The following SATB1 variants were observed in gnomAD, a reference collection of about 807,000 sequenced individuals.
SATB1 encodes the protein SATB homeobox 1.
SATB1 carries 11 observed loss-of-function variants against 86.9 expected under a neutral mutation model. That is an observed-to-expected ratio of 0.13 (90% CI 0.08 to 0.21). The LOEUF (loss-of-function observed/expected upper bound fraction) is 0.21. Ranked by LOEUF, SATB1 falls within the 10% of genes least tolerant of loss-of-function variation. The pLI is 1.00. For missense variants in SATB1, 551 were observed against 937.6 expected (o/e 0.59, Z 5.39); for synonymous variants, 357 against 357.2 (o/e 1.00, Z 0.01).
chr3:18,403,505 A>G (rs184567927), intron 5 of SATB1, among the ~76,000 whole-genome samples: 1 of 152,272 alleles, frequency 6.6e-6, no homozygotes, highest in African/African-American at 2.4e-5. Flanking sequence ...TTATTCTATA[A>G]GGAAAATTTC....
At position 18,394,325 on chromosome 3, in the gene SATB1, G is replaced by A. The variant is rs908485994; in HGVS notation, c.1206+137C>T. ...GAGTGGTAAAATTGAGGCTCCACCA[G>A]GAATAGGTAATATGATCACATGAAG... is the stretch of plus-strand genomic sequence containing the variant. On this transcript the variant is annotated intron_variant, in intron 7 of 10. Transcript: ENST00000338745. The surrounding 1 kb of genome is among the most constrained non-coding windows in gnomAD (Gnocchi z 5.9). The A allele has an allele frequency of 2.7e-6, 2 of 742,190 alleles. No homozygotes were observed. The highest frequency in any genetic ancestry group is 5.3e-5 in the East Asian group (2 of 37,612). 46.0% of individuals were successfully genotyped at this position (742,190 alleles called of 1,614,324 possible).
At chr3:18,402,419 T>C in intron 5 of SATB1, among the ~76,000 whole-genome samples, 1 of 152,192 alleles carries the variant, frequency 6.6e-6, no homozygotes, top group African/African-American at 2.4e-5. Context: ...TTCTGCCAAA[T>C]CAACCAACCA....
intron 8 of SATB1, among the ~76,000 whole-genome samples, chr3:18,381,096 C>T (rs1045713689): frequency 1.3e-5 from 2 of 152,192 alleles, no homozygotes; most frequent in Non-Finnish European, 2.9e-5. Context: ...ATTGGAGCTT[C>T]TACTACTTAC....
intron 10 of SATB1, chr3:18,350,424 CA>C (rs1434143021): frequency 2.6e-5 from 4 of 152,198 alleles, no homozygotes; most frequent in Non-Finnish European, 4.4e-5. Flanking sequence ...GACACTTTTT[CA>C]TAATTAGTAT....
At position 18,416,956 on chromosome 3, in the gene SATB1, C is replaced by T. The variant is rs1698144592; in HGVS notation, c.334G>A (p.Glu112Lys). Residue 112 changes from glutamate to lysine, a missense_variant, in exon 3 of 11, where the codon GAA (glutamate) becomes AAA (lysine). Coordinates refer to ENST00000338745, the MANE Select transcript of SATB1 (RefSeq NM_002971.6). ...RKDMLFNQLIEMALLSLGYSH... is the reference protein window; with the variant it reads ...RKDMLFNQLIKMALLSLGYSH... ...TAACCTAGAGACAGCAATGCCATTT[C>T]GATCAGCTGGTTGAAAAGCATATCC... The T allele has an allele frequency of 1.2e-6, 2 of 1,613,472 alleles. No individual in the cohort carries two copies. The highest frequency in any genetic ancestry group is 8.5e-7 in the Non-Finnish European group (1 of 1,179,668).
At chr3:18,416,837 C>T (rs911395042) in intron 3 of SATB1, 65 bp downstream of exon 3, 1 of 1,413,202 alleles carries the variant, frequency 7.1e-7, no homozygotes, top group Non-Finnish European at 9.6e-7. Context: ...ATATTCAGTG[C>T]TTTCTCTGCA....
In SATB1 at chr3:18,386,330, T is replaced by C. The variant is rs376093487; in HGVS notation, c.1419+69A>G. The C allele has an allele frequency of 1.7e-4, 206 of 1,180,518 alleles. 1 individual carries two copies. The highest frequency in any genetic ancestry group is 2.4e-4 in the Non-Finnish European group (196 of 811,132). 73.1% of individuals were successfully genotyped at this position (1,180,518 alleles called of 1,614,324 possible). On this transcript the variant is annotated intron_variant, in intron 8 of 10. Transcript: ENST00000338745. The surrounding 1 kb of genome is among the most constrained non-coding windows in gnomAD (Gnocchi z 4.5). ...ATGTATCTATCTATCTAATTTCTTA[T>C]TGAGATTCTTCCTCAAGCATTAAAA...
upstream of SATB1, among the ~76,000 whole-genome samples, chr3:18,429,048 TAC>T (rs1698804477): frequency 6.6e-6 from 1 of 152,266 alleles, no homozygotes; most frequent in Non-Finnish European, 1.5e-5. The surrounding 1 kb of genome is among the most constrained non-coding windows in gnomAD (Gnocchi z 4.1). Flanking sequence ...TGGCTATCTC[TAC>T]ACTCTTAAAG....
At position 18,348,425 on chromosome 3, in the gene SATB1, C is replaced by T. The variant is rs993175695; in HGVS notation, c.*745G>A. The T allele has an allele frequency of 2.6e-5, 4 of 152,576 alleles. No individual in the cohort carries two copies. Among genetic ancestry groups the T allele is most frequent in the African/African-American group, 7.2e-5 (3 of 41,542 alleles). The allele number at this position is 152,576 out of a possible 1,614,324, so 9.5% of individuals were successfully genotyped here. On this transcript the variant is annotated 3_prime_UTR_variant, in exon 11 of 11. Coordinates refer to ENST00000338745, the MANE Select transcript of SATB1 (RefSeq NM_002971.6). ...AAATAGAAAAGAATCAGTATGGTAA[C>T]AAGAGAAGCAATATTACATTTAACG...
At chr3:18,354,465 T>C (rs1308950990) in intron 9 of SATB1, among the ~76,000 whole-genome samples, 2 of 152,174 alleles carry the variant, frequency 1.3e-5, no homozygotes, top group African/African-American at 4.8e-5. Context: ...TAGAGGTTCA[T>C]AAAGAACACA....
chr3:18,373,311 G>A (rs1267549564), intron 9 of SATB1, among the ~76,000 whole-genome samples: 3 of 152,156 alleles, frequency 2.0e-5, no homozygotes, highest in Non-Finnish European at 4.4e-5. Context: ...TAAATAGGAG[G>A]CTACACAGGT....
upstream of SATB1, among the ~76,000 whole-genome samples, chr3:18,443,216 C>A (rs1458036980): frequency 6.6e-6 from 1 of 152,158 alleles, no homozygotes; most frequent in African/African-American, 2.4e-5. This position sits in a 1 kb window ranked among gnomAD's most constrained non-coding sequence, Gnocchi z 4.4. Context: ...AACCTGACAC[C>A]GAGCGGTAAC....
At chr3:18,382,730 T>A (rs994759500) in intron 8 of SATB1, among the ~76,000 whole-genome samples, 3 of 152,232 alleles carry the variant, frequency 2.0e-5, no homozygotes, top group Admixed American at 2.0e-4. Flanking sequence ...ACAAGTTATT[T>A]CATTAGGACA....
chr3:18,427,973 C>T (rs1263260996), upstream of SATB1, among the ~76,000 whole-genome samples: 1 of 152,082 alleles, frequency 6.6e-6, no homozygotes, highest in Non-Finnish European at 1.5e-5. Flanking sequence ...ATTAACTACC[C>T]TTTAGAATAT....
intron 8 of SATB1, among the ~76,000 whole-genome samples, chr3:18,384,138 GAACA>G (rs1257183521): frequency 6.6e-6 from 1 of 152,066 alleles, no homozygotes; most frequent in Non-Finnish European, 1.5e-5. Flanking sequence ...CTCCTCTTCA[GAACA>G]AACAAATACA....
intron 9 of SATB1, among the ~76,000 whole-genome samples, chr3:18,362,175 A>G (rs1304623162): frequency 6.6e-6 from 1 of 152,102 alleles, no homozygotes; most frequent in Admixed American, 6.6e-5. Context: ...TCAGTCCCAC[A>G]GCATTTCTTC....
chr3:18,383,567 G>A (rs1392751913), intron 8 of SATB1, among the ~76,000 whole-genome samples: 1 of 152,140 alleles, frequency 6.6e-6, no homozygotes, highest in African/African-American at 2.4e-5. Flanking sequence ...CATTTTGGGG[G>A]AAATGAAATG....
chr3:18,422,307 T>G (rs1232003406), intron 1 of SATB1, among the ~76,000 whole-genome samples: 5 of 152,224 alleles, frequency 3.3e-5, no homozygotes, highest in Non-Finnish European at 5.9e-5. Context: ...GTAAATATTT[T>G]TTCTTCTGTT....
intron 9 of SATB1, among the ~76,000 whole-genome samples, chr3:18,358,109 TCCAAATGCTTAA>T (rs1250694345): frequency 1.3e-5 from 2 of 151,986 alleles, no homozygotes; most frequent in Non-Finnish European, 1.5e-5. Flanking sequence ...TATTGATCTT[TCCAAATGCTTAA>T]AATTAACTAT....
Sources: allele counts gnomAD v4.1 joint callset (sites outside exome capture counted in the v4.1 genomes callset), GRCh38; gene constraint gnomAD v4.1.1; non-coding constraint Gnocchi (gnomAD v3.1); transcripts MANE v1.5; gene names NCBI Gene and HGNC (gene_info 2026-07-23, HGNC 2026-07-21).